MRPL48: variants seen among roughly 807,000 people sequenced by gnomAD.
MRPL48 encodes large ribosomal subunit protein mL48.
MRPL48 carries 16 observed loss-of-function variants against 32.9 expected under a neutral mutation model. That is an observed-to-expected ratio of 0.49 (90% CI 0.33 to 0.74). The LOEUF (loss-of-function observed/expected upper bound fraction) is 0.74, where lower values mean the gene tolerates loss of function less well. Among genes scored for constraint, MRPL48 ranks in the 30% least tolerant of loss-of-function variants. The probability of loss-of-function intolerance (pLI) is 0.02; values close to 1 mark genes in which losing one functional copy is unlikely to be tolerated. For missense variants in MRPL48, 206 were observed against 245.3 expected (o/e 0.84, Z 1.07); for synonymous variants, 94 against 89.2 (o/e 1.05, Z -0.31).
chr11:73,793,292 C>T (rs1052813230), intron 1 of MRPL48, among the ~76,000 whole-genome samples: 19 of 152,222 alleles, frequency 1.2e-4, no homozygotes, highest in African/African-American at 3.9e-4. Context: ...CTTGAACTCC[C>T]GACCTCAGGT....
intron 4 of MRPL48, among the ~76,000 whole-genome samples, chr11:73,829,088 C>T (rs1051638295): frequency 6.6e-6 from 1 of 152,200 alleles, no homozygotes; most frequent in Non-Finnish European, 1.5e-5. Context: ...TTAATGCCGT[C>T]TGTCCCCACC....
intron 1 of MRPL48, among the ~76,000 whole-genome samples, chr11:73,797,291 A>T (rs922452976): frequency 6.6e-6 from 1 of 152,180 alleles, no homozygotes; most frequent in East Asian, 1.9e-4. Context: ...TTGTCTGCAT[A>T]CTCCATTTGT....
intron 1 of MRPL48, among the ~76,000 whole-genome samples, chr11:73,794,027 A>G (rs1368816183): frequency 6.6e-6 from 1 of 151,798 alleles, no homozygotes; most frequent in Non-Finnish European, 1.5e-5. Context: ...TTTTGACAAA[A>G]AATACAAAAA....
intron 3 of MRPL48, among the ~76,000 whole-genome samples, chr11:73,815,301 T>C (rs1342623633): frequency 1.3e-5 from 2 of 150,004 alleles, no homozygotes; most frequent in Non-Finnish European, 3.0e-5. Context: ...GTAATTCCAG[T>C]TGCTCAGGAG....
intron 3 of MRPL48, among the ~76,000 whole-genome samples, chr11:73,815,414 CA>C (rs199893647): frequency 5.8e-4 from 84 of 144,894 alleles, no homozygotes; most frequent in African/African-American, 8.5e-4. Context: ...AACTCCATCT[CA>C]AAAAAAAAAA....
chr11:73,801,475 T>A (rs1947363230), intron 1 of MRPL48, among the ~76,000 whole-genome samples: 1 of 152,174 alleles, frequency 6.6e-6, no homozygotes, highest in African/African-American at 2.4e-5. Context: ...CTTTACAAAG[T>A]CTTTTAGTAC....
At chr11:73,838,195 C>A (rs1326034824) in intron 4 of MRPL48, among the ~76,000 whole-genome samples, 1 of 152,082 alleles carries the variant, frequency 6.6e-6, no homozygotes, top group Non-Finnish European at 1.5e-5. Flanking sequence ...TCATGAAGTC[C>A]TGAACTCAAT....
At chr11:73,822,485 T>C (rs1416030596) in intron 3 of MRPL48, among the ~76,000 whole-genome samples, 1 of 152,220 alleles carries the variant, frequency 6.6e-6, no homozygotes, top group Admixed American at 6.5e-5. Context: ...GTCTATACAG[T>C]TATTGGCATG....
At chr11:73,853,911 T>C (rs78973862) in intron 5 of MRPL48, among the ~76,000 whole-genome samples, 8,594 of 151,972 alleles carry the variant, frequency 0.057, 265 homozygotes, top group Middle Eastern at 0.11. Context: ...AGGATGGTCT[T>C]GATCTCCTGA....
intron 1 of MRPL48, among the ~76,000 whole-genome samples, chr11:73,793,516 G>T (rs974209009): frequency 6.6e-6 from 1 of 152,200 alleles, no homozygotes; most frequent in Non-Finnish European, 1.5e-5. Context: ...TCTTGAGGAC[G>T]TTGCATGACT....
intron 5 of MRPL48, among the ~76,000 whole-genome samples, chr11:73,847,841 A>C (rs548539278): frequency 6.6e-6 from 1 of 152,218 alleles, no homozygotes; most frequent in South Asian, 2.1e-4. Context: ...TGACCTCCCA[A>C]AGTGCTGGGA....
intron 1 of MRPL48, among the ~76,000 whole-genome samples, chr11:73,795,886 G>A (rs892875690): frequency 2.0e-5 from 3 of 152,086 alleles, no homozygotes; most frequent in African/African-American, 7.2e-5. Flanking sequence ...TTTAATTCCT[G>A]AACATTTTTA....
intron 3 of MRPL48, among the ~76,000 whole-genome samples, chr11:73,823,780 C>T (rs1947830290): frequency 6.6e-6 from 1 of 151,496 alleles, no homozygotes; most frequent in Admixed American, 6.6e-5. Flanking sequence ...GCCTCAGCCT[C>T]CTGAGTAGCT....
At chr11:73,855,012 A>G (rs1207134650) in intron 5 of MRPL48, among the ~76,000 whole-genome samples, 2 of 152,180 alleles carry the variant, frequency 1.3e-5, no homozygotes, top group Non-Finnish European at 2.9e-5. Context: ...CTACCTTAAA[A>G]GGCTACAGTG....
chr11:73,814,420 C>T (rs1380351857), intron 3 of MRPL48, among the ~76,000 whole-genome samples: 1 of 151,446 alleles, frequency 6.6e-6, no homozygotes, highest in Non-Finnish European at 1.5e-5. Context: ...TGAGGTGGGG[C>T]ACGGTGGCTC....
chr11:73,801,299 T>G (rs747659518), intron 1 of MRPL48, among the ~76,000 whole-genome samples: 8 of 152,148 alleles, frequency 5.3e-5, no homozygotes, highest in Non-Finnish European at 1.2e-4. Context: ...CTATTGTTTG[T>G]CATGGTTAAT....
At chr11:73,794,416 G>A (rs973083064) in intron 1 of MRPL48, among the ~76,000 whole-genome samples, 3 of 151,688 alleles carry the variant, frequency 2.0e-5, no homozygotes, top group Admixed American at 6.6e-5. Context: ...TTAGCTGGGC[G>A]TGGTGGCGCA....
chr11:73,854,487 A>C (rs1199097623), intron 5 of MRPL48, among the ~76,000 whole-genome samples: 2 of 151,886 alleles, frequency 1.3e-5, no homozygotes, highest in Admixed American at 6.6e-5. Flanking sequence ...GGGTTTCACT[A>C]TGTTGGCCAG....
chr11:73,831,940 CAAAAAAAAA>C (rs4019304), intron 4 of MRPL48, among the ~76,000 whole-genome samples: 1 of 67,110 alleles, frequency 1.5e-5, no homozygotes, highest in Non-Finnish European at 2.6e-5. Flanking sequence ...AACTCTGTCT[CAAAAAAAAA>C]AAAAAAAAAA....
Sources: gnomAD v4.1 joint callset for allele counts (sites outside exome capture counted in the v4.1 genomes callset) on GRCh38, gnomAD v4.1.1 for gene constraint, MANE v1.5 for transcripts, NCBI Gene and HGNC (gene_info 2026-07-23, HGNC 2026-07-21) for gene names.